The following ENOX2 variants were observed in gnomAD, a reference collection of about 807,000 sequenced individuals.
ENOX2 encodes APK1 antigen.
ENOX2 carries 36 observed loss-of-function variants against 45.0 expected under a neutral mutation model. The observed-to-expected ratio is 0.80, with a 90% CI of 0.61 to 1.06. ENOX2 has a LOEUF of 1.06. Among genes scored for constraint, ENOX2 ranks in the 50% least tolerant of loss-of-function variants. ENOX2 has a pLI of 0.00. For synonymous variants in ENOX2, 174 were observed against 152.3 expected (o/e 1.14, Z -1.05); for missense variants, 423 against 462.5 (o/e 0.91, Z 0.78).
intron 9 of ENOX2, among the ~76,000 whole-genome samples, chrX:130,658,430 T>C (rs2036601084): frequency 9.0e-6 from 1 of 111,441 alleles, no homozygotes. Context: ...GTAAATAAAA[T>C]TGCAGAAAAA....
At chrX:130,744,563 A>G (rs1042993070) in intron 3 of ENOX2, among the ~76,000 whole-genome samples, 4 of 112,610 alleles carry the variant, frequency 3.6e-5, no homozygotes, top group African/African-American at 1.3e-4. Context: ...AAAATAGCAT[A>G]TGCTGCATTT....
intron 2 of ENOX2, among the ~76,000 whole-genome samples, chrX:130,810,270 T>C (rs1188153339): frequency 9.0e-6 from 1 of 110,691 alleles, no homozygotes; most frequent in Admixed American, 9.5e-5. Flanking sequence ...AAGCCCACCA[T>C]GGCATCAGGA....
At chrX:130,691,559 G>T (rs964101927) in intron 4 of ENOX2, among the ~76,000 whole-genome samples, 3 of 112,234 alleles carry the variant, frequency 2.7e-5, no homozygotes, top group African/African-American at 9.7e-5. Flanking sequence ...CGGAAAATTT[G>T]ATTTCTCATG....
chrX:130,629,318 A>G (rs1017365447), intron 13 of ENOX2, among the ~76,000 whole-genome samples: 6 of 112,909 alleles, frequency 5.3e-5, no homozygotes, highest in Non-Finnish European at 9.4e-5. Context: ...CCAAGAAATA[A>G]CTCCAGAGGT....
intron 3 of ENOX2, among the ~76,000 whole-genome samples, chrX:130,735,921 C>A (rs1205167738): frequency 8.9e-6 from 1 of 111,994 alleles, no homozygotes; most frequent in Non-Finnish European, 1.9e-5. Context: ...AATAGATACA[C>A]TGGCAAAAAA....
chrX:130,897,148 G>A lies in ENOX2; in HGVS notation c.-183+4536C>T, dbSNP rs775491522. Among the ~76,000 whole-genome samples the A allele has an allele frequency of 7.2e-5, 8 of 111,702 alleles. No individual in the cohort carries two copies. The East Asian group carries it at 2.0e-3, about 27-fold the overall frequency. ...TTCAATTCTATCACGGTTTTCTGTA[G>A]CTCTCTGTTGACATACCCATCCCAA... On this transcript the variant is annotated intron_variant, in intron 2 of 14. Coordinates refer to ENST00000394363, the MANE Select transcript of ENOX2 (RefSeq NM_006375.4).
chrX:130,654,442 A>G lies in ENOX2; in HGVS notation c.1129+2139T>C, dbSNP rs746681054. On this transcript the variant is annotated intron_variant, in intron 10 of 14. Coordinates refer to ENST00000394363, the MANE Select transcript of ENOX2 (RefSeq NM_006375.4). ...CAAGTTTGGTAGCATGGACAGAGGG[A>G]AAAAAAAAAAACAACAACAACAACT... is the stretch of plus-strand genomic sequence containing the variant. Among the ~76,000 whole-genome samples, 58 of 91,913 alleles carry G rather than the reference A, an allele frequency of 6.3e-4. 1 individual carries two copies. Among genetic ancestry groups the G allele is most frequent in the African/African-American group, 2.7e-3 (51 of 18,703 alleles). The allele number at this position is 91,913 out of a possible 115,157, so 79.8% of individuals were successfully genotyped here. A position where few individuals can be genotyped will look rare whatever the true frequency, so the allele number is the denominator to read the frequency against.
At chrX:130,789,070 G>A (rs1482102050) in intron 2 of ENOX2, among the ~76,000 whole-genome samples, 2 of 109,962 alleles carry the variant, frequency 1.8e-5, no homozygotes, top group Non-Finnish European at 3.8e-5. Context: ...AAAGGGTGGG[G>A]GTGGGGTTCC....
At chrX:130,755,567 A>G (rs942923083) in intron 3 of ENOX2, among the ~76,000 whole-genome samples, 1 of 110,680 alleles carries the variant, frequency 9.0e-6, no homozygotes, top group East Asian at 2.8e-4. Context: ...TACTAAGCAC[A>G]TGGGGTCACA....
chrX:130,813,312 G>A (rs1416039465), intron 2 of ENOX2, among the ~76,000 whole-genome samples: 2 of 112,097 alleles, frequency 1.8e-5, no homozygotes, highest in African/African-American at 6.5e-5. Context: ...AATGGTGCTG[G>A]GAAAACCGTA....
chrX:130,761,967 T>C (rs953559409), intron 3 of ENOX2, among the ~76,000 whole-genome samples: 12 of 112,053 alleles, frequency 1.1e-4, no homozygotes, highest in Non-Finnish European at 1.9e-4. Flanking sequence ...TTTTTTTCTC[T>C]GTCAGTCTTG....
At chrX:130,746,406 T>C (rs1193169809) in intron 3 of ENOX2, among the ~76,000 whole-genome samples, 1 of 111,813 alleles carries the variant, frequency 8.9e-6, no homozygotes, top group Non-Finnish European at 1.9e-5. Flanking sequence ...CTTTCCTTAT[T>C]TTGGGACCTT....
At chrX:130,832,560 G>A (rs1471408614) in intron 2 of ENOX2, among the ~76,000 whole-genome samples, 2 of 110,444 alleles carry the variant, frequency 1.8e-5, no homozygotes, top group Non-Finnish European at 3.8e-5. Flanking sequence ...TAGTATGGCA[G>A]TCTAATACAA....
intron 6 of ENOX2, among the ~76,000 whole-genome samples, chrX:130,676,738 T>C (rs2037162828): frequency 8.9e-6 from 1 of 111,813 alleles, no homozygotes; most frequent in African/African-American, 3.2e-5. Context: ...CCTCCTTTCC[T>C]TACCCATGTT....
intron 2 of ENOX2, among the ~76,000 whole-genome samples, chrX:130,808,210 A>G (rs112514468): frequency 2.7e-5 from 3 of 112,610 alleles, no homozygotes; most frequent in African/African-American, 9.7e-5. Flanking sequence ...CTAGTAGCAG[A>G]CACAGAAAAT....
intron 2 of ENOX2, among the ~76,000 whole-genome samples, chrX:130,805,622 C>T (rs1201699412): frequency 9.0e-6 from 1 of 111,443 alleles, no homozygotes; most frequent in Non-Finnish European, 1.9e-5. Flanking sequence ...ATTTACACAC[C>T]ACCATATGTC....
rs1054658364 is a variant in ENOX2 at position 130,623,088 on chromosome X, A to C, written c.*2226T>G. Among the ~76,000 whole-genome samples the C allele has an allele frequency of 8.0e-5, 9 of 111,807 alleles. No homozygotes were observed. Among genetic ancestry groups the C allele is most frequent in the African/African-American group, 2.9e-4 (9 of 30,688 alleles). ...AAGTCTACTGGCTTAAATGTTAATC[A>C]CATTTAAAATATACCTTCACAGCAA... On this transcript the variant is annotated 3_prime_UTR_variant, in exon 15 of 15. Coordinates refer to ENST00000394363, the MANE Select transcript of ENOX2 (RefSeq NM_006375.4).
At chrX:130,737,564 A>G (rs2038891461) in intron 3 of ENOX2, among the ~76,000 whole-genome samples, 1 of 112,349 alleles carries the variant, frequency 8.9e-6, no homozygotes, top group Admixed American at 9.4e-5. Flanking sequence ...ATCACATTTA[A>G]TGTTCTGGCC....
intron 2 of ENOX2, among the ~76,000 whole-genome samples, chrX:130,814,145 G>A (rs911012947): frequency 1.8e-5 from 2 of 112,174 alleles, no homozygotes; most frequent in African/African-American, 6.5e-5. Context: ...GAAGGGGGTG[G>A]AGCCCATGGC....
Sources: allele counts gnomAD v4.1 joint callset (sites outside exome capture counted in the v4.1 genomes callset), GRCh38; gene constraint gnomAD v4.1.1; transcripts MANE v1.5; gene names NCBI Gene and HGNC (gene_info 2026-07-23, HGNC 2026-07-21).